GPM6B: variants seen among roughly 807,000 people sequenced by gnomAD.
The protein encoded by GPM6B is glycoprotein M6B.
A neutral mutation model predicts 27.2 loss-of-function variants in GPM6B; 4 were observed. The ratio of observed to expected loss-of-function variants is 0.15; its 90% CI spans 0.07 to 0.34. The LOEUF is 0.34. Ranked by LOEUF, GPM6B falls within the 10% of genes least tolerant of loss-of-function variation. GPM6B has a pLI of 1.00. For missense variants in GPM6B, 183 were observed against 261.9 expected (o/e 0.70, Z 2.08); for synonymous variants, 124 against 103.1 (o/e 1.20, Z -1.23).
At position 13,831,177 on chromosome X, in the gene GPM6B, TACACACACACACACACACACACACACAC is replaced by T. The variant is rs536337642; in HGVS notation, c.-197-45397_-197-45370del. On this transcript the variant is annotated intron_variant, in intron 1 of 6. Coordinates refer to the GPM6B transcript ENST00000398361. ...AGTAAAGGGATGTAGAAGAGCTCAG[TACACACACACACACACACACACACACAC>T]ACACACACACACACACACACAAATG... is the stretch of plus-strand genomic sequence containing the variant. Among the ~76,000 whole-genome samples the T allele has an allele frequency of 5.0e-3, 410 of 81,617 alleles. 1 individual carries two copies. Among genetic ancestry groups the T allele is most frequent in the South Asian group, 0.016 (22 of 1,345 alleles). 70.9% of individuals were successfully genotyped at this position (81,617 alleles called of 115,157 possible). A position where few individuals can be genotyped will look rare whatever the true frequency, so the allele number is the denominator to read the frequency against.
chrX:13,798,348 G>A, intron 2 of GPM6B, among the ~76,000 whole-genome samples: 1 of 108,056 alleles, frequency 9.3e-6, no homozygotes, highest in East Asian at 2.9e-4. Flanking sequence ...AGGCCTTAGG[G>A]CTTTTACTAG....
intron 1 of GPM6B, among the ~76,000 whole-genome samples, chrX:13,837,483 G>A (rs1031497980): frequency 1.8e-5 from 2 of 111,005 alleles, no homozygotes; most frequent in East Asian, 5.7e-4. Context: ...GACCCAGGGG[G>A]GCTTCACGGG....
chrX:13,928,315 T>C (rs1032726381), intron 1 of GPM6B, among the ~76,000 whole-genome samples: 1 of 112,501 alleles, frequency 8.9e-6, no homozygotes, highest in Admixed American at 9.4e-5. Context: ...TTGCCCACTT[T>C]TCGTGTACAC....
chrX:13,900,544 T>C (rs756108063), intron 1 of GPM6B, among the ~76,000 whole-genome samples: 216 of 111,268 alleles, frequency 1.9e-3, no homozygotes, highest in African/African-American at 6.9e-3. Context: ...GTTTTGTGTA[T>C]TCTGACGTCA....
chrX:13,874,651 A>G (rs1227702724), intron 1 of GPM6B, among the ~76,000 whole-genome samples: 3 of 111,696 alleles, frequency 2.7e-5, no homozygotes, highest in Admixed American at 1.9e-4. Flanking sequence ...CAGAGGTTGC[A>G]GTGAGCTGAG....
chrX:13,843,534 C>G (rs1178412910), intron 1 of GPM6B, among the ~76,000 whole-genome samples: 1 of 112,211 alleles, frequency 8.9e-6, no homozygotes, highest in Admixed American at 9.4e-5. Context: ...TTTTCCAAAG[C>G]AGCTGTACCA....
rs148723545 is a variant in GPM6B, at chrX:13,866,084, C to T, written c.-198+72243G>A. Among the ~76,000 whole-genome samples, 518 of 111,768 alleles carry T rather than the reference C, an allele frequency of 4.6e-3. 1 individual carries two copies. Among genetic ancestry groups the T allele is most frequent in the African/African-American group, 0.016 (501 of 30,820 alleles). On this transcript the variant is annotated intron_variant, in intron 1 of 6. Transcript: ENST00000398361. Reference sequence around the variant, plus strand: ...GAGTTAGAAGTAGGAAGAGGTCAAGCCGGGCGCAGTGGCTCACGCCTGTAA... The same window carrying T: ...GAGTTAGAAGTAGGAAGAGGTCAAGTCGGGCGCAGTGGCTCACGCCTGTAA...
At chrX:13,867,528 G>A (rs1026217829) in intron 1 of GPM6B, among the ~76,000 whole-genome samples, 1 of 112,063 alleles carries the variant, frequency 8.9e-6, no homozygotes, top group Admixed American at 9.4e-5. Context: ...TGAAACTGCC[G>A]AGCAGTCTCC....
intron 7 of GPM6B, chrX:13,774,010 T>C (rs2048358109): frequency 2.4e-6 from 1 of 417,196 alleles, no homozygotes; most frequent in African/African-American, 3.0e-5. Context: ...TTTCTTCAAA[T>C]TTTCATCTGG....
At chrX:13,932,713 C>T (rs920520227) in intron 1 of GPM6B, among the ~76,000 whole-genome samples, 1 of 111,854 alleles carries the variant, frequency 8.9e-6, no homozygotes, top group Non-Finnish European at 1.9e-5. Context: ...GATGGAAACA[C>T]AAAGCTGCCA....
At chrX:13,821,660 G>C (rs1365043612), upstream of GPM6B, among the ~76,000 whole-genome samples, 1 of 111,682 alleles carries the variant, frequency 9.0e-6, no homozygotes, top group Non-Finnish European at 1.9e-5. Flanking sequence ...GCAATGGCGT[G>C]ATCTCGGCTC....
chrX:13,824,511 C>T (rs1451891488), intron 1 of GPM6B, among the ~76,000 whole-genome samples: 3 of 111,585 alleles, frequency 2.7e-5, no homozygotes, highest in East Asian at 5.7e-4. Flanking sequence ...GGGAAACAGA[C>T]AAAGTGTGCT....
At chrX:13,797,790 T>A (rs928256317) in intron 2 of GPM6B, among the ~76,000 whole-genome samples, 6 of 111,439 alleles carry the variant, frequency 5.4e-5, no homozygotes, top group Non-Finnish European at 1.1e-4. Context: ...GGGCAGGACA[T>A]CTTCAGTAAA....
chrX:13,884,474 G>A (rs1244455491), intron 1 of GPM6B, among the ~76,000 whole-genome samples: 2 of 112,167 alleles, frequency 1.8e-5, no homozygotes, highest in African/African-American at 3.2e-5. Context: ...AAATGCACAA[G>A]ATTACATAAT....
chrX:13,865,974 GTATGTGGAATTT>G (rs2049912614), intron 1 of GPM6B, among the ~76,000 whole-genome samples: 1 of 110,928 alleles, frequency 9.0e-6, no homozygotes, highest in African/African-American at 3.3e-5. Context: ...GATCCTGCTT[GTATGTGGAATTT>G]TTAAAAGTTG....
intron 1 of GPM6B, among the ~76,000 whole-genome samples, chrX:13,815,607 A>C (rs1464857523): frequency 1.8e-5 from 2 of 111,704 alleles, no homozygotes; most frequent in Non-Finnish European, 3.8e-5. Flanking sequence ...AAAATGGTAA[A>C]TTTTATGTTA....
chrX:13,824,150 C>T (rs1200880630), intron 1 of GPM6B, among the ~76,000 whole-genome samples: 1 of 112,085 alleles, frequency 8.9e-6, no homozygotes, highest in African/African-American at 3.3e-5. Flanking sequence ...AACAGCATCC[C>T]TGGCCTCTAC....
At chrX:13,809,264 C>T (rs977688203) in intron 1 of GPM6B, among the ~76,000 whole-genome samples, 3 of 111,817 alleles carry the variant, frequency 2.7e-5, no homozygotes, top group African/African-American at 3.3e-5. Context: ...CAAGAGGGCA[C>T]ACTTTGGAAA....
At position 13,879,747 on chromosome X, in the gene GPM6B, C is replaced by CA. The variant is rs776414334; in HGVS notation, c.-198+58579dup. 2.3e-4 allele frequency among the ~76,000 whole-genome samples: 26 copies of CA among 112,058 alleles called. No individual in the cohort carries two copies. In the South Asian group the frequency reaches 9.0e-3, roughly 39 times the overall value. On this transcript the variant is annotated intron_variant, in intron 1 of 6. Coordinates refer to the GPM6B transcript ENST00000398361. ...TACTCTGAGCAATCATCTCTAGCAG[C>CA]AAAAAACAGGGATTCCCCAAATTCT...
Sources: allele counts gnomAD v4.1 joint callset (sites outside exome capture counted in the v4.1 genomes callset), GRCh38; gene constraint gnomAD v4.1.1; transcripts MANE v1.5; gene names NCBI Gene and HGNC (gene_info 2026-07-23, HGNC 2026-07-21).